The following CADPS2 variants were observed in gnomAD, a reference collection of about 807,000 sequenced individuals.
CADPS2 encodes the protein calcium dependent secretion activator 2.
Under a neutral mutation model 172.5 loss-of-function variants are expected in CADPS2, and 93 were observed. The ratio of observed to expected loss-of-function variants is 0.54; its 90% confidence interval spans 0.46 to 0.64. CADPS2 has a LOEUF of 0.64. Ranked by LOEUF, CADPS2 falls within the 30% of genes least tolerant of loss-of-function variation. The probability of loss-of-function intolerance (pLI) is 0.00; values close to 1 mark genes in which losing one functional copy is unlikely to be tolerated. For synonymous variants in CADPS2, 546 were observed against 555.2 expected (o/e 0.98, Z 0.23); for missense variants, 1,420 against 1,565.9 (o/e 0.91, Z 1.57).
intron 22 of CADPS2, among the ~76,000 whole-genome samples, chr7:122,390,515 G>T (rs999389917): frequency 6.6e-6 from 1 of 151,712 alleles, no homozygotes. Context: ...ACAATGACAA[G>T]GAAAAACATC....
intron 10 of CADPS2, among the ~76,000 whole-genome samples, chr7:122,491,076 G>T (rs984061542): frequency 3.9e-5 from 6 of 152,056 alleles, no homozygotes; most frequent in Non-Finnish European, 7.4e-5. Flanking sequence ...CCATTACAGT[G>T]AATTTTACAC....
At chr7:122,502,968 TATTTC>T (rs1332263655) in intron 9 of CADPS2, among the ~76,000 whole-genome samples, 2 of 152,056 alleles carry the variant, frequency 1.3e-5, no homozygotes, top group Non-Finnish European at 2.9e-5. Context: ...CCATAACACT[TATTTC>T]ATAAGAATAT....
intron 17 of CADPS2, among the ~76,000 whole-genome samples, chr7:122,425,757 A>G (rs1429569100): frequency 6.6e-6 from 1 of 152,148 alleles, no homozygotes; most frequent in East Asian, 1.9e-4. Context: ...ATATTATTCA[A>G]ATTCAGAAAC....
chr7:122,561,990 T>C (rs1224867218), intron 7 of CADPS2, among the ~76,000 whole-genome samples: 1 of 152,140 alleles, frequency 6.6e-6, no homozygotes, highest in Non-Finnish European at 1.5e-5. Flanking sequence ...TACTTCACTG[T>C]GGTGAAAAGA....
chr7:122,508,449 G>GTTTTTTTTTTTTTTTT (rs1205155217), intron 9 of CADPS2, among the ~76,000 whole-genome samples: 11 of 68,432 alleles, frequency 1.6e-4, no homozygotes, highest in Non-Finnish European at 2.4e-4. Flanking sequence ...ATTCATTTAA[G>GTTTTTTTTTTTTTTTT]TTTTTTTTTT....
intron 1 of CADPS2, among the ~76,000 whole-genome samples, chr7:122,789,174 G>T (rs1794723736): frequency 6.6e-6 from 1 of 152,130 alleles, no homozygotes; most frequent in Non-Finnish European, 1.5e-5. Context: ...TGTCAGCAGA[G>T]GAGTAGATTT....
intron 25 of CADPS2, among the ~76,000 whole-genome samples, chr7:122,371,686 G>C (rs1034647911): frequency 6.6e-6 from 1 of 152,170 alleles, no homozygotes; most frequent in Non-Finnish European, 1.5e-5. Flanking sequence ...ATGAGGGCCT[G>C]AAGACTATAG....
At chr7:122,500,984 G>T (rs928525821) in intron 9 of CADPS2, among the ~76,000 whole-genome samples, 6 of 152,194 alleles carry the variant, frequency 3.9e-5, no homozygotes, top group Non-Finnish European at 7.3e-5. Context: ...GCCAGGCACA[G>T]TGGCTTGTAC....
At chr7:122,571,710 C>T (rs1029676612) in intron 7 of CADPS2, among the ~76,000 whole-genome samples, 2 of 152,184 alleles carry the variant, frequency 1.3e-5, no homozygotes, top group Admixed American at 6.5e-5. Context: ...TGCTTCGTCA[C>T]TGGTGTGGTG....
chr7:122,884,193 T>C (rs535012043), intron 1 of CADPS2, among the ~76,000 whole-genome samples: 33 of 152,306 alleles, frequency 2.2e-4, no homozygotes, highest in Non-Finnish European at 3.7e-4. Context: ...TAGGCTTAAA[T>C]GCAATATGAA....
intron 3 of CADPS2, among the ~76,000 whole-genome samples, chr7:122,652,991 AAG>A (rs941838412): frequency 2.0e-5 from 3 of 152,090 alleles, no homozygotes; most frequent in Admixed American, 6.6e-5. Flanking sequence ...CCTTTTTCAG[AAG>A]AGAGTTTCCT....
At chr7:122,341,355 C>T (rs947680900) in intron 28 of CADPS2, among the ~76,000 whole-genome samples, 3 of 152,086 alleles carry the variant, frequency 2.0e-5, no homozygotes, top group South Asian at 2.1e-4. Context: ...CCAGTAATTT[C>T]GGTCATCATT....
chr7:122,600,276 T>C (rs534985379), intron 6 of CADPS2, among the ~76,000 whole-genome samples: 2 of 152,188 alleles, frequency 1.3e-5, no homozygotes, highest in South Asian at 4.1e-4. Context: ...TAAGCTGAGA[T>C]TGGTGTAAAC....
chr7:122,664,834 G>C (rs2081013882), intron 2 of CADPS2, among the ~76,000 whole-genome samples: 2 of 152,050 alleles, frequency 1.3e-5, no homozygotes, highest in Admixed American at 6.5e-5. Context: ...GCCCAGGCTG[G>C]AGCCCAGTGA....
intron 1 of CADPS2, among the ~76,000 whole-genome samples, chr7:122,858,892 G>A (rs181110706): frequency 6.6e-6 from 1 of 152,234 alleles, no homozygotes; most frequent in African/African-American, 2.4e-5. Flanking sequence ...AAAAAAATAA[G>A]TTGCCAGTAA....
chr7:122,621,461 C>G lies in CADPS2; in HGVS notation c.1104+20G>C. 2 of 1,465,384 alleles carry G rather than the reference C, an allele frequency of 1.4e-6. No individual in the cohort carries two copies. The highest frequency in any genetic ancestry group is 1.9e-6 in the Non-Finnish European group (2 of 1,049,762). The allele number at this position is 1,465,384 out of a possible 1,614,324, so 90.8% of individuals were successfully genotyped here. ...CATCATTTATGCTGTCAGAGGTGAG[C>G]ATGAGATAAAGCTACTTACCTCTAA... is the stretch of plus-strand genomic sequence containing the variant. On this transcript the variant is annotated intron_variant, in intron 5 of 29. Coordinates refer to ENST00000449022, the MANE Select transcript of CADPS2 (RefSeq NM_017954.11).
intron 17 of CADPS2, among the ~76,000 whole-genome samples, chr7:122,426,826 T>G (rs567751601): frequency 6.6e-6 from 1 of 152,322 alleles, no homozygotes; most frequent in Admixed American, 6.5e-5. Context: ...TCTATAAAAT[T>G]GCTTGCGAAA....
rs1347191924 is a variant in CADPS2, at chr7:122,736,965, C to T, written c.443G>A (p.Ser148Asn). The T allele has an allele frequency of 1.9e-6, 3 of 1,596,444 alleles. No individual in the cohort carries two copies. Among genetic ancestry groups the T allele is most frequent in the Non-Finnish European group, 2.6e-6 (3 of 1,164,360 alleles). Residue 148 changes from serine (S) to asparagine (N), a missense_variant, in exon 2 of 30, where the codon AGT (serine) becomes AAT (asparagine). Coordinates refer to ENST00000449022, the MANE Select transcript of CADPS2 (RefSeq NM_017954.11). ...ADEAFCNAVR[S>N]YYEVFLKSDR... is the part of the protein sequence containing the mutation. ...GCTCTTCAAACTTACCTCATAATAA[C>T]TCCGAACTGCGTTGCAAAATGCTTC...
chr7:122,795,888 G>T (rs557458996), intron 1 of CADPS2, among the ~76,000 whole-genome samples: 1 of 152,120 alleles, frequency 6.6e-6, no homozygotes, highest in South Asian at 2.1e-4. Context: ...AGCAATATAG[G>T]GCATCCAAAT....
Sources: allele counts gnomAD v4.1 joint callset (sites outside exome capture counted in the v4.1 genomes callset), GRCh38; gene constraint gnomAD v4.1.1; transcripts MANE v1.5; gene names NCBI Gene and HGNC (gene_info 2026-07-23, HGNC 2026-07-21).